Variants in NAALADL2 observed in about 807,000 individuals in gnomAD.
NAALADL2 encodes the protein inactive N-acetylated-alpha-linked acidic dipeptidase-like protein 2.
Under a neutral mutation model 87.2 loss-of-function variants are expected in NAALADL2, and 76 were observed. That is an observed-to-expected ratio of 0.87 (90% CI 0.72 to 1.05). The LOEUF (loss-of-function observed/expected upper bound fraction) is 1.05, where lower values mean the gene tolerates loss of function less well. Among genes scored for constraint, NAALADL2 ranks in the 50% least tolerant of loss-of-function variants. NAALADL2 has a pLI of 0.00. For missense variants in NAALADL2, 1,089 were observed against 945.8 expected (o/e 1.15, Z -1.99); for synonymous variants, 354 against 331.0 (o/e 1.07, Z -0.75).
At chr3:175,029,038 A>G (rs1393572141) in intron 1 of NAALADL2, among the ~76,000 whole-genome samples, 1 of 102,748 alleles carries the variant, frequency 9.7e-6, no homozygotes, top group Non-Finnish European at 2.1e-5. Flanking sequence ...ATGTAAAATC[A>G]TATATTAAAA....
intron 1 of NAALADL2, among the ~76,000 whole-genome samples, chr3:174,882,545 A>G (rs1028002829): frequency 1.3e-5 from 2 of 149,910 alleles, no homozygotes; most frequent in Non-Finnish European, 3.0e-5. Flanking sequence ...GCATACACAC[A>G]TATGTACATA....
chr3:174,786,464 A>AT (rs1157675808), intron 3 of NAALADL2, among the ~76,000 whole-genome samples: 3,662 of 128,710 alleles, frequency 0.028, 172 homozygotes, highest in African/African-American at 0.11. Context: ...AAAAAAAAAA[A>AT]AATAATAAAT....
At chr3:175,253,906 C>T (rs953217219) in intron 3 of NAALADL2, among the ~76,000 whole-genome samples, 13 of 152,030 alleles carry the variant, frequency 8.6e-5, no homozygotes, top group South Asian at 2.1e-4. Context: ...GAAACTTGAA[C>T]GGATGAAGAG....
At chr3:175,413,828 T>C (rs1321800601) in intron 5 of NAALADL2, among the ~76,000 whole-genome samples, 1 of 151,890 alleles carries the variant, frequency 6.6e-6, no homozygotes, top group Admixed American at 6.6e-5. Context: ...TTTTAATTAA[T>C]AAAATAAAAT....
chr3:174,803,001 A>G (rs1719019569), intron 3 of NAALADL2, among the ~76,000 whole-genome samples: 1 of 152,096 alleles, frequency 6.6e-6, no homozygotes. Flanking sequence ...ATACCTAGTA[A>G]TGGGATTGCT....
At chr3:174,866,688 T>G (rs1459596428) in intron 1 of NAALADL2, among the ~76,000 whole-genome samples, 1 of 151,748 alleles carries the variant, frequency 6.6e-6, no homozygotes, top group Non-Finnish European at 1.5e-5. Flanking sequence ...AGAATAGAGA[T>G]AAGAATAAGG....
intron 9 of NAALADL2, among the ~76,000 whole-genome samples, chr3:175,568,216 T>C (rs535278538): frequency 6.6e-5 from 10 of 152,226 alleles, no homozygotes; most frequent in African/African-American, 2.4e-4. Flanking sequence ...AAAAAGTCAG[T>C]AATCATAACC....
At chr3:174,800,901 C>T (rs1196417889) in intron 3 of NAALADL2, among the ~76,000 whole-genome samples, 1 of 152,198 alleles carries the variant, frequency 6.6e-6, no homozygotes. Context: ...TATGGACTTG[C>T]ATGGGGCTTG....
intron 2 of NAALADL2, among the ~76,000 whole-genome samples, chr3:174,647,573 G>A (rs1723925385): frequency 6.6e-6 from 1 of 152,158 alleles, no homozygotes; most frequent in African/African-American, 2.4e-5. Context: ...AATTGAAAAA[G>A]TTGAAATAAA....
chr3:175,426,250 C>G (rs1716765085), intron 5 of NAALADL2, among the ~76,000 whole-genome samples: 1 of 152,120 alleles, frequency 6.6e-6, no homozygotes, highest in African/African-American at 2.4e-5. Context: ...CTAATCCCAG[C>G]TACTTGGGAG....
At chr3:174,799,185 A>T (rs62739962) in intron 3 of NAALADL2, among the ~76,000 whole-genome samples, 7 of 150,242 alleles carry the variant, frequency 4.7e-5, no homozygotes, top group African/African-American at 7.4e-5. Context: ...AAAAAAAAAA[A>T]TTATTTTGTG....
chr3:174,703,707 A>G (rs1314477904), intron 2 of NAALADL2, among the ~76,000 whole-genome samples: 1 of 152,122 alleles, frequency 6.6e-6, no homozygotes, highest in Non-Finnish European at 1.5e-5. Context: ...AGATTTTATA[A>G]CCTCGTTAAG....
intron 4 of NAALADL2, among the ~76,000 whole-genome samples, chr3:175,304,290 C>T (rs1382798175): frequency 2.6e-5 from 4 of 152,118 alleles, no homozygotes; most frequent in South Asian, 2.1e-4. Context: ...TGGATACTCT[C>T]CTTCTTTTCA....
chr3:175,802,945 C>A, intron 13 of NAALADL2, 60 bp from the exon 14 acceptor site: 4 of 1,069,854 alleles, frequency 3.7e-6, no homozygotes, highest in Non-Finnish European at 4.2e-6. Context: ...TTCATTCCAA[C>A]GTTTGATAGA....
At chr3:174,580,650 T>C (rs1431811792) in intron 2 of NAALADL2, among the ~76,000 whole-genome samples, 1 of 151,898 alleles carries the variant, frequency 6.6e-6, no homozygotes, top group East Asian at 1.9e-4. Context: ...TCATATAGTA[T>C]TCTCTCTCTC....
chr3:174,468,452 C>T, intron 1 of NAALADL2, among the ~76,000 whole-genome samples: 1 of 146,180 alleles, frequency 6.8e-6, no homozygotes, highest in African/African-American at 2.5e-5. Context: ...AAGATCTTGG[C>T]TCAGTGGAAC....
chr3:174,798,465 A>C (rs544264229), intron 3 of NAALADL2, among the ~76,000 whole-genome samples: 1 of 152,164 alleles, frequency 6.6e-6, no homozygotes, highest in East Asian at 1.9e-4. Context: ...TTCTGCAAAA[A>C]ACGGGCAGCT....
chr3:175,778,440 G>A (rs557459908), intron 13 of NAALADL2, among the ~76,000 whole-genome samples: 14 of 152,164 alleles, frequency 9.2e-5, no homozygotes, highest in Non-Finnish European at 1.3e-4. Flanking sequence ...CCCTTGTTCC[G>A]GGAAAGTTCC....
chr3:174,675,318 C>T (rs1726944684), intron 2 of NAALADL2, among the ~76,000 whole-genome samples: 1 of 151,986 alleles, frequency 6.6e-6, no homozygotes, highest in Non-Finnish European at 1.5e-5. Flanking sequence ...ATGGGTTCAT[C>T]TAGTTAACCT....
Sources: gnomAD v4.1 joint callset for allele counts (sites outside exome capture counted in the v4.1 genomes callset) on GRCh38, gnomAD v4.1.1 for gene constraint, MANE v1.5 for transcripts, NCBI Gene and HGNC (gene_info 2026-07-23, HGNC 2026-07-21) for gene names.